The following PADI4 variants were observed in gnomAD, a reference collection of about 807,000 sequenced individuals.
The protein encoded by PADI4 is peptidyl arginine deiminase 4, also known as protein-arginine deiminase type-4.
In PADI4, 62 loss-of-function variants were observed where a neutral mutation model predicts 75.0. The observed-to-expected ratio is 0.83, with a 90% CI of 0.67 to 1.02. The LOEUF is 1.02. PADI4 is among the 50% of genes least tolerant of loss of function. PADI4 has a pLI of 0.00. For synonymous variants in PADI4, 361 were observed against 348.1 expected (o/e 1.04, Z -0.41); for missense variants, 845 against 850.5 (o/e 0.99, Z 0.08).
Position 17,308,328 on chromosome 1 carries a change from C to T in PADI4, c.92+14C>T. ...TGACATCTGCAGGTAAGAGGGGGGCCTTCTGGGGTTTTGGAGGCAGGTCAG... is the reference window on the plus strand; with the variant it reads ...TGACATCTGCAGGTAAGAGGGGGGCTTTCTGGGGTTTTGGAGGCAGGTCAG... On this transcript the variant is annotated intron_variant, in intron 1 of 15. Coordinates refer to ENST00000375448, the MANE Select transcript of PADI4 (RefSeq NM_012387.3). The T allele has an allele frequency of 6.2e-7, 1 of 1,606,930 alleles. No homozygotes were observed. Among genetic ancestry groups the T allele is most frequent in the Non-Finnish European group, 8.5e-7 (1 of 1,173,776 alleles).
intron 10 of PADI4, among the ~76,000 whole-genome samples, chr1:17,351,324 C>T (rs1337178242): frequency 6.6e-6 from 1 of 150,932 alleles, no homozygotes; most frequent in Non-Finnish European, 1.5e-5. Flanking sequence ...AGTCTGGTGG[C>T]TCATTCCAGT....
chr1:17,329,618 T>C (rs1030754795), intron 1 of PADI4, among the ~76,000 whole-genome samples: 1 of 152,136 alleles, frequency 6.6e-6, no homozygotes, highest in African/African-American at 2.4e-5. Context: ...TTGGTCTTGC[T>C]GTCTCAGGGG....
chr1:17,353,057 T>C (rs957618926), intron 10 of PADI4, among the ~76,000 whole-genome samples: 45 of 152,122 alleles, frequency 3.0e-4, no homozygotes, highest in African/African-American at 1.1e-3. Context: ...ACTTGGGATA[T>C]GGCCATGTGT....
At chr1:17,348,129 C>T (rs755462075) in intron 10 of PADI4, 81 bp downstream of exon 10, 33 of 867,892 alleles carry the variant, frequency 3.8e-5, no homozygotes, top group Middle Eastern at 2.2e-4. Context: ...CTGCCTTCCC[C>T]GCCCGCGCCT....
chr1:17,362,744 A>AACTGT (rs2074864211), intron 15 of PADI4, among the ~76,000 whole-genome samples: 1 of 152,236 alleles, frequency 6.6e-6, no homozygotes, highest in Non-Finnish European at 1.5e-5. Context: ...GCTGTAGTCC[A>AACTGT]AGTATAGCTG....
chr1:17,349,730 A>T (rs2074587569), intron 10 of PADI4, among the ~76,000 whole-genome samples: 1 of 81,668 alleles, frequency 1.2e-5, no homozygotes, highest in African/African-American at 3.3e-5. Context: ...AAGAAAAAGA[A>T]AAAACAACAA....
At position 17,359,610 on chromosome 1, in the gene PADI4, G is replaced by A. The variant is rs2074821254; in HGVS notation, c.1758+202G>A. Among the ~76,000 whole-genome samples the A allele has an allele frequency of 5.9e-5, 9 of 152,258 alleles. No homozygotes were observed. In the South Asian group the frequency reaches 1.7e-3, roughly 28 times the overall value. ...TCCACAAGGTCAGGCTTCTACTGAT[G>A]CTATTTCCATCATAAAATCCACAAG... On this transcript the variant is annotated intron_variant, in intron 15 of 15. Coordinates refer to ENST00000375448, the MANE Select transcript of PADI4 (RefSeq NM_012387.3).
chr1:17,331,450 T>C (rs943102924), intron 2 of PADI4, among the ~76,000 whole-genome samples: 15 of 152,204 alleles, frequency 9.9e-5, no homozygotes, highest in Non-Finnish European at 2.1e-4. Context: ...ATAAGACAGC[T>C]GAGGGTGCAG....
intron 10 of PADI4, 80 bp from the exon 11 acceptor site, chr1:17,354,453 C>A: frequency 8.1e-7 from 1 of 1,241,428 alleles, no homozygotes; most frequent in Non-Finnish European, 1.2e-6. Context: ...TGCCCAAGTT[C>A]ATCTCTAAAC....
At chr1:17,318,193 G>A (rs1342391279) in intron 1 of PADI4, among the ~76,000 whole-genome samples, 1 of 152,214 alleles carries the variant, frequency 6.6e-6, no homozygotes, top group Non-Finnish European at 1.5e-5. Context: ...TGGATGCTGG[G>A]CACAGCAGAG....
intron 14 of PADI4, 63 bp from the exon 15 acceptor site, chr1:17,359,217 T>TTCCCCCCCCCCC: frequency 3.1e-6 from 2 of 647,816 alleles, no homozygotes; most frequent in African/African-American, 1.9e-5. Context: ...CCCCACACTG[T>TTCCCCCCCCCCC]CCCCCACCCC....
chr1:17,359,097 G>T (rs966327488), intron 14 of PADI4, among the ~76,000 whole-genome samples, 183 bp from the exon 15 acceptor site: 4 of 152,132 alleles, frequency 2.6e-5, no homozygotes, highest in African/African-American at 9.7e-5. Context: ...AGGCCCCAGG[G>T]TCCCCCGAGA....
intron 15 of PADI4, among the ~76,000 whole-genome samples, chr1:17,359,756 A>C (rs746058782): frequency 3.3e-5 from 5 of 152,274 alleles, no homozygotes; most frequent in African/African-American, 4.8e-5. Context: ...TAATCAACAC[A>C]GAAATGTTAC....
chr1:17,326,437 T>G (rs2074118547), intron 1 of PADI4, among the ~76,000 whole-genome samples: 1 of 152,254 alleles, frequency 6.6e-6, no homozygotes, highest in African/African-American at 2.4e-5. Context: ...TATTACTTAA[T>G]TTCCATTATT....
At chr1:17,359,217 T>TCCCCC in intron 14 of PADI4, 63 bp from the exon 15 acceptor site, 1 of 647,816 alleles carries the variant, frequency 1.5e-6, no homozygotes, top group Non-Finnish European at 2.6e-6. Context: ...CCCCACACTG[T>TCCCCC]CCCCCACCCC....
chr1:17,313,869 A>C (rs533673322), intron 1 of PADI4, among the ~76,000 whole-genome samples: 27 of 152,230 alleles, frequency 1.8e-4, no homozygotes, highest in Non-Finnish European at 3.5e-4. Context: ...TGTGGGTCAC[A>C]CGCTTGAGGG....
At chr1:17,326,631 C>A (rs1442060530) in intron 1 of PADI4, among the ~76,000 whole-genome samples, 1 of 152,118 alleles carries the variant, frequency 6.6e-6, no homozygotes, top group African/African-American at 2.4e-5. Context: ...TGCTTTATGG[C>A]CAATTACATA....
chr1:17,330,531 C>A (rs1310039551), intron 1 of PADI4, among the ~76,000 whole-genome samples: 2 of 113,072 alleles, frequency 1.8e-5, no homozygotes, highest in East Asian at 5.5e-4. Context: ...CAGTCTGTGG[C>A]CAAAGGCCCA....
Position 17,346,130 on chromosome 1 carries a change from G to A in PADI4, c.1038G>A (p.Gln346=). ...ICPEEENMDD[Q]WMQDEMEIGY... Reference sequence around the variant, plus strand: ...CTGAGGAGGAGAACATGGATGACCAGTGGATGCAGGTATGTGCCCTGCGGG... The same window carrying A: ...CTGAGGAGGAGAACATGGATGACCAATGGATGCAGGTATGTGCCCTGCGGG... Residue 346 remains glutamine, a synonymous_variant, in exon 9 of 16, where the codon CAG becomes CAA. Coordinates refer to ENST00000375448, the MANE Select transcript of PADI4 (RefSeq NM_012387.3). This position sits in a 1 kb window ranked among gnomAD's most constrained non-coding sequence, Gnocchi z 4.3. The A allele has an allele frequency of 3.1e-6, 5 of 1,608,656 alleles. No individual in the cohort carries two copies. Among genetic ancestry groups the A allele is most frequent in the Non-Finnish European group, 4.3e-6 (5 of 1,175,068 alleles).
Sources: gnomAD v4.1 joint callset for allele counts (sites outside exome capture counted in the v4.1 genomes callset) on GRCh38, gnomAD v4.1.1 for gene constraint, Gnocchi (gnomAD v3.1) non-coding constraint, MANE v1.5 for transcripts, NCBI Gene and HGNC (gene_info 2026-07-23, HGNC 2026-07-21) for gene names.